ADGRF5: variants seen among roughly 807,000 people sequenced by gnomAD.
ADGRF5 encodes the protein G-protein coupled receptor 116.
Under a neutral mutation model 132.3 loss-of-function variants are expected in ADGRF5, and 75 were observed. That is an observed-to-expected ratio of 0.57 (90% CI 0.47 to 0.69). The LOEUF is 0.69. Ranked by LOEUF, ADGRF5 falls within the 30% of genes least tolerant of loss-of-function variation. The probability of loss-of-function intolerance (pLI) is 0.00; values close to 1 mark genes in which losing one functional copy is unlikely to be tolerated. For synonymous variants in ADGRF5, 629 were observed against 597.6 expected (o/e 1.05, Z -0.77); for missense variants, 1,516 against 1,630.6 (o/e 0.93, Z 1.21).
intron 12 of ADGRF5, 84 bp downstream of exon 12, chr6:46,868,799 A>G: frequency 1.2e-6 from 1 of 835,796 alleles, no homozygotes; most frequent in Non-Finnish European, 1.9e-6. Flanking sequence ...CATGTCTCAA[A>G]GAAGACCCTA....
chr6:46,875,853 A>G (rs560841603), intron 10 of ADGRF5, among the ~76,000 whole-genome samples: 31 of 152,294 alleles, frequency 2.0e-4, no homozygotes, highest in Non-Finnish European at 4.1e-4. Context: ...TACCACAATA[A>G]CTATTTTGTG....
At chr6:46,941,477 AAAG>A (rs1268383194) in intron 1 of ADGRF5, among the ~76,000 whole-genome samples, 9 of 133,246 alleles carry the variant, frequency 6.8e-5, no homozygotes, top group African/African-American at 2.4e-4. Context: ...AAAGAAAAGA[AAAG>A]AAAAGAAAGA....
chr6:46,878,078 C>T lies in ADGRF5; in HGVS notation c.1240+124G>A, dbSNP rs181377236. On this transcript the variant is annotated intron_variant, in intron 10 of 20. Coordinates refer to ENST00000283296, the MANE Select transcript of ADGRF5 (RefSeq NM_001098518.2). ...GCTGGCATCAAACCTAATGCCTTTT[C>T]ACAGTCTGAAATCCAGAAAATAACA... 1.6e-5 allele frequency: 11 copies of T among 694,844 alleles called. No individual in the cohort carries two copies. The East Asian group carries it at 2.9e-4, about 19-fold the overall frequency. The allele number at this position is 694,844 out of a possible 1,614,324, so 43.0% of individuals were successfully genotyped here.
chr6:46,858,959 T>G lies in ADGRF5; in HGVS notation c.2944A>C (p.Asn982His), dbSNP rs751678241. 1.2e-6 allele frequency: 2 copies of G among 1,612,878 alleles called. No homozygotes were observed. The highest frequency in any genetic ancestry group is 2.2e-5 in the South Asian group (2 of 91,036). The change falls in exon 17 of 21, where the codon AAT becomes CAT. Residue 982 changes from asparagine (N) to histidine (H), a missense_variant. Around this residue, in one of 2 missense-constraint regions of ADGRF5, gnomAD observed 571 missense variants for 701.2 expected, o/e 0.81. Transcript: ENST00000283296. The part of the protein sequence containing the change: ...GCYVEEGDGD[N>H]VTCICDHLTS... ...AGGTGGTCACAGATACAGGTGACATTGTCCCCATCACCTTCTTCTACATAG... is the reference window on the plus strand; with the variant it reads ...AGGTGGTCACAGATACAGGTGACATGGTCCCCATCACCTTCTTCTACATAG...
chr6:46,904,596 CAAAATGAAAAAATTATGA>C (rs1205503171), intron 2 of ADGRF5, among the ~76,000 whole-genome samples: 6 of 151,808 alleles, frequency 4.0e-5, no homozygotes, highest in African/African-American at 1.5e-4. Context: ...TTGAGTTTTG[CAAAATGAAAAAATTATGA>C]AAATTTATTG....
intron 11 of ADGRF5, among the ~76,000 whole-genome samples, chr6:46,871,524 A>G (rs74642472): frequency 0.022 from 3,336 of 152,190 alleles, 137 homozygotes; most frequent in African/African-American, 0.075. Flanking sequence ...TTACACCTTC[A>G]ATGATAATAG....
chr6:46,856,922 G>T lies in ADGRF5; in HGVS notation c.3775-14C>A. On this transcript the variant is annotated splice_polypyrimidine_tract_variant and intron_variant, in intron 17 of 20. Coordinates refer to ENST00000283296, the MANE Select transcript of ADGRF5 (RefSeq NM_001098518.2). Reference sequence around the variant, plus strand: ...AATGAATAATCCCTGAGAAAAAAAAGATTGAAAAGAAGTGCATTTTAATTA... The same window carrying T: ...AATGAATAATCCCTGAGAAAAAAAATATTGAAAAGAAGTGCATTTTAATTA... The T allele has an allele frequency of 6.3e-7, 1 of 1,592,116 alleles. No homozygotes were observed. Among genetic ancestry groups the T allele is most frequent in the Non-Finnish European group, 8.6e-7 (1 of 1,162,084 alleles).
At chr6:46,873,161 C>T (rs1292246672) in intron 10 of ADGRF5, among the ~76,000 whole-genome samples, 3 of 152,088 alleles carry the variant, frequency 2.0e-5, no homozygotes, top group Non-Finnish European at 4.4e-5. Context: ...TTTAATCTTT[C>T]CTCCCAGATT....
At position 46,921,779 on chromosome 6, in the gene ADGRF5, C is replaced by T. The variant is rs1029878359; in HGVS notation, c.-91G>A. 2.0e-5 allele frequency: 3 copies of T among 152,374 alleles called. No individual in the cohort carries two copies. The highest frequency in any genetic ancestry group is 7.2e-5 in the African/African-American group (3 of 41,462). 9.4% of individuals were successfully genotyped at this position (152,374 alleles called of 1,614,324 possible). A position where few individuals can be genotyped will look rare whatever the true frequency, so the allele number is the denominator to read the frequency against. Reference sequence around the variant, plus strand: ...CAGATGCCTAAAAGCTTCCCAGTTTCCACTATGGGGCCATTTGTCCTGGGC... The same window carrying T: ...CAGATGCCTAAAAGCTTCCCAGTTTTCACTATGGGGCCATTTGTCCTGGGC... On this transcript the variant is annotated 5_prime_UTR_variant, in exon 1 of 21. Coordinates refer to ENST00000283296, the MANE Select transcript of ADGRF5 (RefSeq NM_001098518.2).
chr6:46,901,841 G>GC (rs1242414239), intron 2 of ADGRF5, among the ~76,000 whole-genome samples: 1 of 151,954 alleles, frequency 6.6e-6, no homozygotes. Context: ...TCCCTTGGCT[G>GC]GTCTCCCTCC....
intron 3 of ADGRF5, among the ~76,000 whole-genome samples, chr6:46,889,479 A>G (rs1581866452): frequency 6.8e-6 from 1 of 146,586 alleles, no homozygotes; most frequent in East Asian, 2.0e-4. Context: ...AGTATGCTAT[A>G]TATAGTCTAA....
chr6:46,877,225 C>CTCTG (rs1712822631), intron 10 of ADGRF5, among the ~76,000 whole-genome samples: 1 of 131,682 alleles, frequency 7.6e-6, no homozygotes. Context: ...TTTATTTCCT[C>CTCTG]TCTTTCTTTC....
intron 14 of ADGRF5, among the ~76,000 whole-genome samples, chr6:46,863,742 A>G (rs1562150981): frequency 6.6e-6 from 1 of 152,218 alleles, no homozygotes; most frequent in Non-Finnish European, 1.5e-5. Context: ...TAACATTAAG[A>G]TCTTAACCAC....
At chr6:46,893,261 C>T (rs974880609) in intron 3 of ADGRF5, among the ~76,000 whole-genome samples, 2 of 151,874 alleles carry the variant, frequency 1.3e-5, no homozygotes, top group Non-Finnish European at 2.9e-5. Context: ...AGAAGATGCC[C>T]TCAATCCCCC....
rs1219128674 is a variant in ADGRF5, at chr6:46,871,923, G to C, written c.1331C>G (p.Thr444Arg). Residue 444 changes from threonine to arginine, a missense_variant, in exon 11 of 21, where the codon ACA becomes AGA. This residue lies in a region of ADGRF5 where 945 missense variants were observed against 929.4 expected (regional missense o/e 1.02). Coordinates refer to ENST00000283296, the MANE Select transcript of ADGRF5 (RefSeq NM_001098518.2). ...TQCPSGSSGT[T>R]VIYTCEFISA... ...GATGAACTCACAAGTGTAGATGACT[G>C]TTGTTCCAGACGACCCGCTTGGGCA... is the stretch of plus-strand genomic sequence containing the variant. 6.2e-7 allele frequency: 1 copy of C among 1,613,246 alleles called. No individual in the cohort carries two copies. The highest frequency in any genetic ancestry group is 1.7e-5 in the Admixed American group (1 of 60,004).
intron 1 of ADGRF5, among the ~76,000 whole-genome samples, chr6:46,931,342 T>C (rs1219390022): frequency 6.6e-6 from 1 of 152,182 alleles, no homozygotes; most frequent in East Asian, 1.9e-4. Flanking sequence ...CATCTCCACC[T>C]CTTTAACCTT....
chr6:46,856,117 C>G (rs941475023), intron 19 of ADGRF5, 59 bp from the exon 20 acceptor site: 5 of 949,360 alleles, frequency 5.3e-6, no homozygotes, highest in East Asian at 4.8e-5. Flanking sequence ...AAAGCTGTTT[C>G]CATCTCTAGA....
At chr6:46,938,888 T>C (rs1343073297) in intron 1 of ADGRF5, among the ~76,000 whole-genome samples, 2 of 151,918 alleles carry the variant, frequency 1.3e-5, no homozygotes, top group Admixed American at 1.3e-4. Context: ...TTTTTTTTTT[T>C]TTTTATGGAG....
At chr6:46,914,565 G>A (rs906132399) in intron 1 of ADGRF5, among the ~76,000 whole-genome samples, 10 of 152,118 alleles carry the variant, frequency 6.6e-5, no homozygotes, top group African/African-American at 2.4e-4. Flanking sequence ...GTACACAATA[G>A]GATCAAGTTT....
Sources: gnomAD v4.1 joint callset for allele counts (sites outside exome capture counted in the v4.1 genomes callset) on GRCh38, gnomAD v4.1.1 for gene constraint, gnomAD v4.1.1 regional missense constraint, MANE v1.5 for transcripts, NCBI Gene and HGNC (gene_info 2026-07-23, HGNC 2026-07-21) for gene names.